The following CRTAC1 variants were observed in gnomAD, a reference collection of about 807,000 sequenced individuals.
CRTAC1 encodes the protein cartilage acidic protein 1.
A neutral mutation model predicts 67.8 loss-of-function variants in CRTAC1; 37 were observed. The ratio of observed to expected loss-of-function variants is 0.55; its 90% CI spans 0.42 to 0.72. The LOEUF is 0.72. Among genes scored for constraint, CRTAC1 ranks in the 30% least tolerant of loss-of-function variants. The probability of loss-of-function intolerance (pLI) is 0.00; values close to 1 mark genes in which losing one functional copy is unlikely to be tolerated. For missense variants in CRTAC1, 780 were observed against 931.6 expected (o/e 0.84, Z 2.12); for synonymous variants, 348 against 371.0 (o/e 0.94, Z 0.71).
Position 97,976,509 on chromosome 10 carries a change from T to C in CRTAC1, c.224+34629A>G, listed in dbSNP as rs576103407. ...ATCAAACCTCATGGGGTTAAAGAGA[T>C]GATCAGATGAGCTAACACATACAAA... On this transcript the variant is annotated intron_variant, in intron 2 of 14. Coordinates refer to ENST00000370597, the MANE Select transcript of CRTAC1 (RefSeq NM_018058.7). 3.9e-5 allele frequency among the ~76,000 whole-genome samples: 6 copies of C among 152,308 alleles called. No homozygotes were observed. In the South Asian group the frequency reaches 1.0e-3, roughly 26 times the overall value.
chr10:97,937,714 G>A (rs1290753995), intron 2 of CRTAC1, among the ~76,000 whole-genome samples: 6 of 152,130 alleles, frequency 3.9e-5, no homozygotes, highest in African/African-American at 1.4e-4. Flanking sequence ...CAGGAAGTCG[G>A]TGTGCCCAAG....
intron 3 of CRTAC1, among the ~76,000 whole-genome samples, chr10:97,928,093 T>C (rs1448224754): frequency 6.6e-6 from 1 of 152,028 alleles, no homozygotes. Flanking sequence ...CAGGAGAGCA[T>C]TTGGGGCAGG....
At chr10:97,881,705 C>A (rs1159545026) in intron 13 of CRTAC1, among the ~76,000 whole-genome samples, 1 of 152,132 alleles carries the variant, frequency 6.6e-6, no homozygotes, top group Non-Finnish European at 1.5e-5. Context: ...TGGAGTGGGG[C>A]TGGGTGGGCA....
At chr10:97,919,037 C>G (rs1057130655) in intron 4 of CRTAC1, among the ~76,000 whole-genome samples, 5 of 132,042 alleles carry the variant, frequency 3.8e-5, no homozygotes, top group African/African-American at 1.2e-4. Flanking sequence ...CACCACCCCC[C>G]CCCGCCTCAG....
Position 97,895,463 on chromosome 10 carries a change from T to C in CRTAC1, c.1318-50A>G. Reference sequence around the variant, plus strand: ...ACCCGGTGGGCATCAGCATGGTGGGTGGGAAGAGCAGGGAGCCAGGGAGGA... The same window carrying C: ...ACCCGGTGGGCATCAGCATGGTGGGCGGGAAGAGCAGGGAGCCAGGGAGGA... On this transcript the variant is annotated intron_variant, in intron 10 of 14. Coordinates refer to ENST00000370597, the MANE Select transcript of CRTAC1 (RefSeq NM_018058.7). The surrounding 1 kb of genome is among the most constrained non-coding windows in gnomAD (Gnocchi z 4.2). 3 of 1,514,916 alleles carry C rather than the reference T, an allele frequency of 2.0e-6. No individual in the cohort carries two copies. Among genetic ancestry groups the C allele is most frequent in the Non-Finnish European group, 2.7e-6 (3 of 1,130,592 alleles). 93.8% of individuals were successfully genotyped at this position (1,514,916 alleles called of 1,614,324 possible).
intron 2 of CRTAC1, among the ~76,000 whole-genome samples, chr10:97,959,293 G>A (rs1272201172): frequency 6.6e-6 from 1 of 152,214 alleles, no homozygotes; most frequent in African/African-American, 2.4e-5. Context: ...GAAAAGGCAT[G>A]TGGGGTCACC....
At chr10:97,918,548 T>C (rs938802014) in intron 4 of CRTAC1, among the ~76,000 whole-genome samples, 55 of 152,356 alleles carry the variant, frequency 3.6e-4, no homozygotes, top group South Asian at 1.7e-3. Flanking sequence ...GCTCTAACTA[T>C]GTGCCAAGTG....
chr10:97,950,242 C>CAGAGAGAGAG (rs1160076016), intron 2 of CRTAC1, among the ~76,000 whole-genome samples: 153 of 117,564 alleles, frequency 1.3e-3, no homozygotes, highest in Admixed American at 1.8e-3. Flanking sequence ...TGCACACACA[C>CAGAGAGAGAG]ACACAGAGAG....
chr10:97,926,190 G>T (rs201707961), intron 3 of CRTAC1, among the ~76,000 whole-genome samples: 3 of 152,190 alleles, frequency 2.0e-5, no homozygotes, highest in African/African-American at 7.2e-5. Flanking sequence ...AGGGACCTGC[G>T]CTGAGCTGCT....
At chr10:97,945,529 C>T (rs1405622254) in intron 2 of CRTAC1, among the ~76,000 whole-genome samples, 2 of 152,040 alleles carry the variant, frequency 1.3e-5, no homozygotes, top group South Asian at 2.1e-4. Flanking sequence ...AGGAGATTCA[C>T]AGAATGTATC....
At chr10:97,886,508 C>T (rs758735331) in intron 11 of CRTAC1, among the ~76,000 whole-genome samples, 4 of 152,238 alleles carry the variant, frequency 2.6e-5, no homozygotes, top group Non-Finnish European at 4.4e-5. Context: ...CTTTCCAGGC[C>T]CAACCTTACC....
At chr10:97,959,254 T>TA (rs997825134) in intron 2 of CRTAC1, among the ~76,000 whole-genome samples, 2 of 152,046 alleles carry the variant, frequency 1.3e-5, no homozygotes, top group Non-Finnish European at 2.9e-5. Context: ...ATTATTAAAT[T>TA]AAAAAATAGC....
At chr10:98,024,883 C>T (rs1251861683) in intron 1 of CRTAC1, among the ~76,000 whole-genome samples, 1 of 148,086 alleles carries the variant, frequency 6.8e-6, no homozygotes, top group African/African-American at 2.5e-5. Context: ...GAGTCAGTGG[C>T]ATAGCCAGAA....
In CRTAC1 at chr10:97,865,441, G is replaced by A; in HGVS notation, c.*107C>T. 1 of 1,355,660 alleles carries A rather than the reference G, an allele frequency of 7.4e-7. No homozygotes were observed. Among genetic ancestry groups the A allele is most frequent in the Non-Finnish European group, 1.0e-6 (1 of 1,001,396 alleles). The allele number at this position is 1,355,660 out of a possible 1,614,324, so 84.0% of individuals were successfully genotyped here. On this transcript the variant is annotated 3_prime_UTR_variant, in exon 15 of 15. Coordinates refer to ENST00000370597, the MANE Select transcript of CRTAC1 (RefSeq NM_018058.7). The stretch of plus-strand genomic sequence containing the variant: ...TAATGTGCATGGATGGGCTTGGGGA[G>A]GGTCTAGCTCCCAGGCCTTTACATC...
chr10:97,887,123 T>C (rs2050297724), intron 11 of CRTAC1, among the ~76,000 whole-genome samples: 1 of 152,004 alleles, frequency 6.6e-6, no homozygotes, highest in South Asian at 2.1e-4. Context: ...AACAGCTACA[T>C]GAATGTGTTT....
intron 1 of CRTAC1, among the ~76,000 whole-genome samples, chr10:98,016,655 A>G (rs944796925): frequency 1.3e-5 from 2 of 152,118 alleles, no homozygotes; most frequent in African/African-American, 4.8e-5. Context: ...CCAGTTTCTG[A>G]TTGAACTGGT....
intron 1 of CRTAC1, among the ~76,000 whole-genome samples, chr10:98,020,960 A>C (rs1035771018): frequency 6.6e-6 from 1 of 152,214 alleles, no homozygotes; most frequent in African/African-American, 2.4e-5. Context: ...GCCAGTTAGG[A>C]GGCAAATACT....
chr10:97,997,913 G>GA (rs1842615422), intron 2 of CRTAC1, among the ~76,000 whole-genome samples: 1 of 152,180 alleles, frequency 6.6e-6, no homozygotes, highest in African/African-American at 2.4e-5. Flanking sequence ...ACTAGAATGA[G>GA]AAAACCTCAC....
intron 3 of CRTAC1, among the ~76,000 whole-genome samples, chr10:97,924,492 G>A (rs2136598006): frequency 6.6e-6 from 1 of 152,184 alleles, no homozygotes; most frequent in South Asian, 2.1e-4. Flanking sequence ...ATGGCACAGG[G>A]GCCCAGGGGC....
Sources: gnomAD v4.1 joint callset for allele counts (sites outside exome capture counted in the v4.1 genomes callset) on GRCh38, gnomAD v4.1.1 for gene constraint, Gnocchi (gnomAD v3.1) non-coding constraint, MANE v1.5 for transcripts, NCBI Gene and HGNC (gene_info 2026-07-23, HGNC 2026-07-21) for gene names.